The following RARB variants were observed in gnomAD, a reference collection of about 807,000 sequenced individuals.
RARB encodes the protein retinoic acid receptor beta, also known as HBV-activated protein.
RARB carries 17 observed loss-of-function variants against 51.9 expected under a neutral mutation model. That is an observed-to-expected ratio of 0.33 (90% CI 0.22 to 0.49). RARB has a LOEUF of 0.49. RARB is among the 20% of genes least tolerant of loss of function. The pLI, the probability that RARB is intolerant of heterozygous loss-of-function variation, is 0.99. For missense variants in RARB, 369 were observed against 550.8 expected (o/e 0.67, Z 3.30); for synonymous variants, 215 against 195.4 (o/e 1.10, Z -0.84).
chr3:25,094,179 C>T (rs1308948678), intron 3 of RARB, among the ~76,000 whole-genome samples: 1 of 152,140 alleles, frequency 6.6e-6, no homozygotes, highest in Non-Finnish European at 1.5e-5. Flanking sequence ...TTGTCTGTTA[C>T]TTGCATATAG....
intron 5 of RARB, among the ~76,000 whole-genome samples, chr3:25,185,670 T>A (rs1700958328): frequency 6.6e-6 from 1 of 152,110 alleles, no homozygotes; most frequent in Admixed American, 6.6e-5. Flanking sequence ...AAACAGGAAT[T>A]TCTGTGAGTC....
intron 1 of RARB, among the ~76,000 whole-genome samples, chr3:25,435,110 T>A (rs1266408059): frequency 6.6e-6 from 1 of 152,240 alleles, no homozygotes; most frequent in South Asian, 2.1e-4. Context: ...AGTCCACTGC[T>A]GTCTTAAAGA....
chr3:24,881,559 A>C (rs1703167441), intron 2 of RARB, among the ~76,000 whole-genome samples: 1 of 152,208 alleles, frequency 6.6e-6, no homozygotes, highest in African/African-American at 2.4e-5. Flanking sequence ...CCAAGAGAAA[A>C]TCTTGAATAT....
intron 3 of RARB, among the ~76,000 whole-genome samples, chr3:25,547,694 T>C (rs547939976): frequency 6.6e-6 from 1 of 152,206 alleles, no homozygotes; most frequent in South Asian, 2.1e-4. Context: ...TGGTAACCTG[T>C]GTTGGAGTTT....
At chr3:25,330,492 C>G (rs1320581767) in intron 5 of RARB, among the ~76,000 whole-genome samples, 1 of 152,112 alleles carries the variant, frequency 6.6e-6, no homozygotes, top group Non-Finnish European at 1.5e-5. Flanking sequence ...CCAGGCCTGC[C>G]CTACAAGAGC....
chr3:25,296,551 A>C (rs1255020673), intron 5 of RARB, among the ~76,000 whole-genome samples: 1 of 152,216 alleles, frequency 6.6e-6, no homozygotes, highest in Non-Finnish European at 1.5e-5. Flanking sequence ...GCCAGCAGGT[A>C]GTAAACATTC....
rs753488788 is a variant in RARB, at chr3:25,111,871, C to T, written c.-327-20290C>T. ...GATTACAAGTGTGAGCCATCGGGCC[C>T]GACTCCAACAAATTTTATATTCATT... is the stretch of plus-strand genomic sequence containing the variant. On this transcript the variant is annotated intron_variant, in intron 3 of 11. Coordinates refer to the RARB transcript ENST00000383772. Among the ~76,000 whole-genome samples, 8 of 152,002 alleles carry T rather than the reference C, an allele frequency of 5.3e-5. No homozygotes were observed. In the East Asian group the frequency reaches 1.2e-3, roughly 22 times the overall value.
intron 1 of RARB, among the ~76,000 whole-genome samples, chr3:24,852,288 A>T (rs1559371566): frequency 6.6e-6 from 1 of 152,216 alleles, no homozygotes; most frequent in African/African-American, 2.4e-5. Flanking sequence ...GTGGCTAAGT[A>T]AAAAAGATAG....
chr3:25,107,522 G>A (rs1197217174), intron 3 of RARB, among the ~76,000 whole-genome samples: 1 of 152,072 alleles, frequency 6.6e-6, no homozygotes, highest in Non-Finnish European at 1.5e-5. Context: ...GATGAATTAA[G>A]CAGTGGAAAT....
chr3:25,172,146 G>A (rs1469917891), intron 4 of RARB, among the ~76,000 whole-genome samples: 7 of 152,176 alleles, frequency 4.6e-5, no homozygotes, highest in Non-Finnish European at 7.4e-5. Flanking sequence ...GACACTGTTC[G>A]TTTTTAATAT....
At chr3:24,959,457 C>G (rs956043479) in intron 2 of RARB, among the ~76,000 whole-genome samples, 1 of 152,064 alleles carries the variant, frequency 6.6e-6, no homozygotes, top group Non-Finnish European at 1.5e-5. Context: ...TTCTCTTCTC[C>G]CCTTCTCTGC....
intron 3 of RARB, among the ~76,000 whole-genome samples, chr3:25,125,449 T>C (rs1170283745): frequency 6.6e-6 from 1 of 152,130 alleles, no homozygotes; most frequent in Non-Finnish European, 1.5e-5. Context: ...AATTGCAGCG[T>C]GTCTTAAGTG....
At chr3:25,410,757 G>T (rs1707539879) in intron 5 of RARB, among the ~76,000 whole-genome samples, 1 of 152,138 alleles carries the variant, frequency 6.6e-6, no homozygotes, top group Admixed American at 6.5e-5. Context: ...TTTGATTCTT[G>T]AAATGGGCCA....
At chr3:24,884,586 T>A (rs987668798) in intron 2 of RARB, among the ~76,000 whole-genome samples, 1 of 152,204 alleles carries the variant, frequency 6.6e-6, no homozygotes. Context: ...TTTAGTGCTT[T>A]TGCCTCAAAC....
At chr3:25,555,033 A>T (rs74862209) in intron 3 of RARB, among the ~76,000 whole-genome samples, 6,329 of 152,326 alleles carry the variant, frequency 0.042, 166 homozygotes, top group Non-Finnish European at 0.063. Flanking sequence ...CTCATCTCAA[A>T]ACTGCCACAT....
chr3:25,397,814 T>G (rs191588726), intron 5 of RARB, among the ~76,000 whole-genome samples: 5 of 151,734 alleles, frequency 3.3e-5, no homozygotes, highest in African/African-American at 1.2e-4. Flanking sequence ...ATTTATAAAA[T>G]AAGGCCACTT....
chr3:25,021,971 G>C (rs1697648249), intron 2 of RARB, among the ~76,000 whole-genome samples: 2 of 152,136 alleles, frequency 1.3e-5, no homozygotes, highest in East Asian at 3.8e-4. Context: ...ATTAAAAACT[G>C]AATTTCCCAA....
chr3:25,203,340 G>A (rs936360063), intron 5 of RARB, among the ~76,000 whole-genome samples: 1 of 152,126 alleles, frequency 6.6e-6, no homozygotes, highest in African/African-American at 2.4e-5. Flanking sequence ...CATGTGAGAT[G>A]GGTTTCCTGA....
intron 5 of RARB, among the ~76,000 whole-genome samples, chr3:25,347,503 G>T (rs1182941125): frequency 2.6e-5 from 4 of 152,178 alleles, no homozygotes; most frequent in Non-Finnish European, 5.9e-5. Flanking sequence ...GGCACCCTTA[G>T]ATTTTTAAAT....
Sources: gnomAD v4.1 joint callset for allele counts (sites outside exome capture counted in the v4.1 genomes callset) on GRCh38, gnomAD v4.1.1 for gene constraint, MANE v1.5 for transcripts, NCBI Gene and HGNC (gene_info 2026-07-23, HGNC 2026-07-21) for gene names.